Variants in UBA6 observed in about 807,000 individuals in gnomAD.
UBA6 encodes the protein ubiquitin like modifier activating enzyme 6, also known as ubiquitin-like modifier-activating enzyme 6.
A neutral mutation model predicts 148.3 loss-of-function variants in UBA6; 87 were observed. That is an observed-to-expected ratio of 0.59 (90% CI 0.49 to 0.70). UBA6 has a LOEUF of 0.70. Ranked by LOEUF, UBA6 falls within the 30% of genes least tolerant of loss-of-function variation. The probability of loss-of-function intolerance (pLI) is 0.00; values close to 1 mark genes in which losing one functional copy is unlikely to be tolerated. For synonymous variants in UBA6, 376 were observed against 401.0 expected, an observed-to-expected ratio of 0.94 and a Z score of 0.75; for missense variants, 1,186 against 1,241.2, an observed-to-expected ratio of 0.96 and a Z score of 0.67.
In UBA6 at chr4:67,613,362, AAC is replaced by A. The variant is rs1465799797; in HGVS notation, c.*5633_*5634del. 1.3e-5 allele frequency: 2 copies of A among 152,188 alleles called. No homozygotes were observed. The highest frequency in any genetic ancestry group is 2.9e-5 in the Non-Finnish European group (2 of 68,032). 9.4% of individuals were successfully genotyped at this position (152,188 alleles called of 1,614,324 possible). A position where few individuals can be genotyped will look rare whatever the true frequency, so the allele number is the denominator to read the frequency against. Reference sequence around the variant, plus strand: ...TGAAGACTAGAACAAACAAAATAAAAACAGACCCACAGGCGGGTTTTGATTCT... The same window carrying A: ...TGAAGACTAGAACAAACAAAATAAAAAGACCCACAGGCGGGTTTTGATTCT... On this transcript the variant is annotated 3_prime_UTR_variant, in exon 33 of 33. Coordinates refer to ENST00000322244, the MANE Select transcript of UBA6 (RefSeq NM_018227.6).
chr4:67,621,749 G>A, intron 32 of UBA6, among the ~76,000 whole-genome samples: 1 of 152,198 alleles, frequency 6.6e-6, no homozygotes, highest in East Asian at 1.9e-4. Flanking sequence ...AGGTTGCAGT[G>A]AGCTGAGATC....
intron 32 of UBA6, among the ~76,000 whole-genome samples, chr4:67,620,511 A>C (rs1728727796): frequency 6.6e-6 from 1 of 152,154 alleles, no homozygotes; most frequent in Non-Finnish European, 1.5e-5. Context: ...CAAGCAGAGG[A>C]AACAACTAAA....
At chr4:67,679,974 C>G (rs1031157838) in intron 4 of UBA6, among the ~76,000 whole-genome samples, 1 of 152,032 alleles carries the variant, frequency 6.6e-6, no homozygotes, top group African/African-American at 2.4e-5. Flanking sequence ...TATAATAGAT[C>G]AAAACACATC....
chr4:67,645,703 T>C (rs1231085166), intron 16 of UBA6, among the ~76,000 whole-genome samples: 1 of 152,210 alleles, frequency 6.6e-6, no homozygotes, highest in Non-Finnish European at 1.5e-5. Context: ...ATTTAATTTT[T>C]GAAATTATCA....
At chr4:67,635,917 A>C (rs1400883872) in intron 19 of UBA6, among the ~76,000 whole-genome samples, 1 of 152,174 alleles carries the variant, frequency 6.6e-6, no homozygotes, top group African/African-American at 2.4e-5. Context: ...AATAATATTA[A>C]TCTTCTTTCT....
At chr4:67,655,693 G>A (rs1475651381) in intron 13 of UBA6, among the ~76,000 whole-genome samples, 4 of 152,164 alleles carry the variant, frequency 2.6e-5, no homozygotes, top group Admixed American at 2.6e-4. Flanking sequence ...TAAGATCAGA[G>A]GAGAACTGAA....
intron 17 of UBA6, among the ~76,000 whole-genome samples, chr4:67,642,237 A>G (rs1278811452): frequency 6.6e-6 from 1 of 152,066 alleles, no homozygotes; most frequent in Non-Finnish European, 1.5e-5. Context: ...TACTGCCCCC[A>G]ACTCCCCAAA....
At chr4:67,630,657 CAAGTTTTTTTTTTT>C in intron 25 of UBA6, 122 bp from the exon 26 acceptor site, 1 of 621,998 alleles carries the variant, frequency 1.6e-6, no homozygotes, top group Non-Finnish European at 2.5e-6. Context: ...ATTATTATTT[CAAGTTTTTTTTTTT>C]AAGTTAGACA....
In UBA6 at chr4:67,639,253, T is replaced by C. The variant is rs926834583; in HGVS notation, c.1555-129A>G. 5 of 642,896 alleles carry C rather than the reference T, an allele frequency of 7.8e-6. No individual in the cohort carries two copies. In the African/African-American group the frequency reaches 9.1e-5, roughly 12 times the overall value. The allele number at this position is 642,896 out of a possible 1,614,324, so 39.8% of individuals were successfully genotyped here. ...GTCCATACATATATAATGAGAGTAA[T>C]GAGACCAGTTTTCATTTTTGGCTTG... is the stretch of plus-strand genomic sequence containing the variant. On this transcript the variant is annotated intron_variant, in intron 18 of 32. Coordinates refer to ENST00000322244, the MANE Select transcript of UBA6 (RefSeq NM_018227.6).
intron 9 of UBA6, among the ~76,000 whole-genome samples, chr4:67,667,478 A>G (rs1441461897): frequency 6.6e-6 from 1 of 152,210 alleles, no homozygotes; most frequent in Non-Finnish European, 1.5e-5. Flanking sequence ...AACAGTTTGT[A>G]ATAAGAATTG....
In UBA6 at chr4:67,623,118, G is replaced by A; in HGVS notation, c.2928+17C>T. On this transcript the variant is annotated intron_variant, in intron 31 of 32. Transcript: ENST00000322244. The stretch of plus-strand genomic sequence containing the variant: ...ACATAAAGCTACTAATGAACTAAAT[G>A]AACAAAAGTATCTCACTTTGACTGC... 1 of 1,587,510 alleles carries A rather than the reference G, an allele frequency of 6.3e-7. No individual in the cohort carries two copies.
chr4:67,612,759 T>C lies in UBA6; in HGVS notation c.*6238A>G, dbSNP rs1728562935. 6.6e-6 allele frequency: 1 copy of C among 152,212 alleles called. No individual in the cohort carries two copies. Among genetic ancestry groups the C allele is most frequent in the Non-Finnish European group, 1.5e-5 (1 of 68,042 alleles). The allele number at this position is 152,212 out of a possible 1,614,324, so 9.4% of individuals were successfully genotyped here. ...AGGAAATAATGTGGGCTAAGTAATT[T>C]GGATTAACATTCTCACTTGAAAACA... On this transcript the variant is annotated 3_prime_UTR_variant, in exon 33 of 33. Coordinates refer to ENST00000322244, the MANE Select transcript of UBA6 (RefSeq NM_018227.6).
intron 28 of UBA6, among the ~76,000 whole-genome samples, chr4:67,625,474 C>A (rs1004884550): frequency 6.7e-6 from 1 of 150,286 alleles, no homozygotes; most frequent in African/African-American, 2.4e-5. Flanking sequence ...TAATAAATAG[C>A]AAAATAAGAA....
chr4:67,631,602 T>C, intron 25 of UBA6, 106 bp downstream of exon 25: 1 of 853,674 alleles, frequency 1.2e-6, no homozygotes, highest in Non-Finnish European at 1.8e-6. Context: ...ATGAAATAAT[T>C]TAACATTAAA....
chr4:67,688,511 A>T (rs1350813756), intron 2 of UBA6, among the ~76,000 whole-genome samples: 1 of 152,184 alleles, frequency 6.6e-6, no homozygotes, highest in Non-Finnish European at 1.5e-5. Context: ...ATACTATCAG[A>T]GGCAGTCCAA....
intron 7 of UBA6, among the ~76,000 whole-genome samples, chr4:67,673,421 A>G (rs1339433665): frequency 1.8e-5 from 2 of 112,384 alleles, no homozygotes; most frequent in Non-Finnish European, 4.0e-5. Context: ...GTCTCGGGAA[A>G]AAAAAAAAAA....
chr4:67,679,715 T>C lies in UBA6; in HGVS notation c.259-1182A>G, dbSNP rs371184788. On this transcript the variant is annotated intron_variant, in intron 4 of 32. Coordinates refer to ENST00000322244, the MANE Select transcript of UBA6 (RefSeq NM_018227.6). ...CCAAAATCCTAATAAGATACAAATATAAAATCACAGAAATAAATATCCTAT... is the reference window on the plus strand; with the variant it reads ...CCAAAATCCTAATAAGATACAAATACAAAATCACAGAAATAAATATCCTAT... Among the ~76,000 whole-genome samples the C allele has an allele frequency of 6.6e-5, 10 of 152,180 alleles. No individual in the cohort carries two copies. The East Asian group carries it at 1.5e-3, about 23-fold the overall frequency.
chr4:67,644,596 A>G (rs778252300), intron 17 of UBA6, 102 bp downstream of exon 17: 8 of 665,464 alleles, frequency 1.2e-5, no homozygotes, highest in Non-Finnish European at 2.1e-5. Flanking sequence ...TTAATGCTCT[A>G]TTTTCAAAAA....
At chr4:67,657,514 G>C (rs181372079) in intron 13 of UBA6, among the ~76,000 whole-genome samples, 181 of 152,134 alleles carry the variant, frequency 1.2e-3, no homozygotes, top group African/African-American at 3.6e-3. Context: ...ACACCTTATA[G>C]AAAAATTAAC....
Sources: allele counts gnomAD v4.1 joint callset (sites outside exome capture counted in the v4.1 genomes callset), GRCh38; gene constraint gnomAD v4.1.1; transcripts MANE v1.5; gene names NCBI Gene and HGNC (gene_info 2026-07-23, HGNC 2026-07-21).